FGF1: variants seen among roughly 807,000 people sequenced by gnomAD.
FGF1 encodes beta-endothelial cell growth factor.
Under a neutral mutation model 13.4 loss-of-function variants are expected in FGF1, and 9 were observed. That is an observed-to-expected ratio of 0.67 (90% CI 0.40 to 1.17). The LOEUF is 1.17. Ranked by LOEUF, FGF1 falls within the 50% of genes most tolerant of loss-of-function variation. The pLI is 0.01. For synonymous variants in FGF1, 93 were observed against 79.0 expected, an observed-to-expected ratio of 1.18 and a Z score of -0.94; for missense variants, 156 against 192.7, an observed-to-expected ratio of 0.81 and a Z score of 1.13.
At chr5:142,598,087 C>A (rs1755676033) in intron 3 of FGF1, among the ~76,000 whole-genome samples, 1 of 152,140 alleles carries the variant, frequency 6.6e-6, no homozygotes, top group Non-Finnish European at 1.5e-5. Flanking sequence ...GAACTTGGTG[C>A]AGACATTCGT....
chr5:142,601,680 T>G (rs1337317084), intron 2 of FGF1, among the ~76,000 whole-genome samples: 1 of 152,044 alleles, frequency 6.6e-6, no homozygotes, highest in Non-Finnish European at 1.5e-5. Context: ...CATCCTACAA[T>G]GCACAGGGCA....
chr5:142,681,867 T>TA (rs1418060243), intron 1 of FGF1, among the ~76,000 whole-genome samples: 3 of 152,142 alleles, frequency 2.0e-5, no homozygotes, highest in African/African-American at 7.2e-5. Context: ...GTGATACACT[T>TA]ACAGCCAAGC....
chr5:142,661,966 C>G (rs539102332), intron 1 of FGF1, among the ~76,000 whole-genome samples: 1 of 152,100 alleles, frequency 6.6e-6, no homozygotes, highest in Non-Finnish European at 1.5e-5. Context: ...TTACACTGCA[C>G]TCCAGCCTGG....
chr5:142,601,216 C>G (rs181302912), intron 2 of FGF1: 132 of 458,080 alleles, frequency 2.9e-4, no homozygotes, highest in African/African-American at 2.3e-3. Context: ...ATCTGGCCAG[C>G]CTGCATGTGT....
chr5:142,651,530 C>G (rs868793243), intron 1 of FGF1, among the ~76,000 whole-genome samples: 2 of 152,268 alleles, frequency 1.3e-5, no homozygotes, highest in South Asian at 4.1e-4. Flanking sequence ...TTTTAGGGTT[C>G]ACTCTTGTGT....
At chr5:142,631,942 C>G (rs1309265229) in intron 1 of FGF1, among the ~76,000 whole-genome samples, 1 of 152,056 alleles carries the variant, frequency 6.6e-6, no homozygotes, top group African/African-American at 2.4e-5. Context: ...TGCCACCATG[C>G]CCAGCTAATT....
chr5:142,645,868 T>G (rs1765951278), intron 1 of FGF1, among the ~76,000 whole-genome samples: 1 of 152,200 alleles, frequency 6.6e-6, no homozygotes, highest in African/African-American at 2.4e-5. Flanking sequence ...TCACTGCTCA[T>G]TTCTATCTTG....
chr5:142,646,728 G>A lies in FGF1; in HGVS notation c.-34-32567C>T, dbSNP rs541005950. Among the ~76,000 whole-genome samples the A allele has an allele frequency of 5.3e-5, 8 of 151,716 alleles. No homozygotes were observed. The East Asian group carries it at 9.8e-4, about 18-fold the overall frequency. The stretch of plus-strand genomic sequence containing the variant: ...TGGCTGGTCTTGAACTCCTGACCTC[G>A]TGATCTACCTGCCTTGGCCTCCCAA... On this transcript the variant is annotated intron_variant, in intron 1 of 3. Coordinates refer to ENST00000337706, the MANE Select transcript of FGF1 (RefSeq NM_000800.5).
intron 3 of FGF1, among the ~76,000 whole-genome samples, chr5:142,598,238 C>T (rs573545469): frequency 1.3e-5 from 2 of 152,210 alleles, no homozygotes; most frequent in African/African-American, 4.8e-5. Flanking sequence ...GTGAGGATGG[C>T]CACATTCCCC....
At chr5:142,605,405 G>A (rs1252546445) in intron 2 of FGF1, among the ~76,000 whole-genome samples, 1 of 151,914 alleles carries the variant, frequency 6.6e-6, no homozygotes, top group African/African-American at 2.4e-5. Context: ...ACAGGCATGA[G>A]CCACCGTGCC....
chr5:142,597,956 C>G (rs187652730), intron 3 of FGF1, among the ~76,000 whole-genome samples: 17 of 152,268 alleles, frequency 1.1e-4, no homozygotes, highest in African/African-American at 4.1e-4. Context: ...CAGGAAGTAT[C>G]CTGCTTCTTA....
chr5:142,684,563 C>T (rs1774331818), intron 1 of FGF1, among the ~76,000 whole-genome samples: 1 of 152,194 alleles, frequency 6.6e-6, no homozygotes, highest in African/African-American at 2.4e-5. Context: ...GCCTTCAGAT[C>T]AACATCTCAA....
At chr5:142,680,459 G>C (rs1773498441) in intron 1 of FGF1, among the ~76,000 whole-genome samples, 1 of 152,192 alleles carries the variant, frequency 6.6e-6, no homozygotes, top group Non-Finnish European at 1.5e-5. Context: ...TGGCCTAGCA[G>C]TTAGTTACAC....
intron 1 of FGF1, among the ~76,000 whole-genome samples, chr5:142,654,115 T>G (rs1767742879): frequency 6.6e-6 from 1 of 152,146 alleles, no homozygotes; most frequent in African/African-American, 2.4e-5. Context: ...CCACCTTGTA[T>G]GTAATTCTAA....
intron 1 of FGF1, among the ~76,000 whole-genome samples, chr5:142,619,319 C>T (rs576870196): frequency 6.6e-6 from 1 of 152,252 alleles, no homozygotes; most frequent in South Asian, 2.1e-4. Flanking sequence ...TATAAAGCCA[C>T]TGAAGGTAGA....
rs866471845 is a variant in FGF1, at chr5:142,609,463, T to G, written c.169+4496A>C. The stretch of plus-strand genomic sequence containing the variant: ...GGTCCCCCTTCACCTGAGAGGAAAC[T>G]CCCCAGAAAGATCAGAGTCAATCAC... On this transcript the variant is annotated intron_variant, in intron 2 of 3. Coordinates refer to ENST00000337706, the MANE Select transcript of FGF1 (RefSeq NM_000800.5). Among the ~76,000 whole-genome samples the G allele has an allele frequency of 2.0e-5, 3 of 152,180 alleles. No individual in the cohort carries two copies. In the Middle Eastern group the frequency reaches 0.01, roughly 521 times the overall value.
chr5:142,618,304 A>G (rs1254582703), intron 1 of FGF1, among the ~76,000 whole-genome samples: 1 of 152,096 alleles, frequency 6.6e-6, no homozygotes, highest in African/African-American at 2.4e-5. Context: ...GGGAACCTGA[A>G]CTCTGACACA....
chr5:142,656,225 T>C (rs1319994413), intron 1 of FGF1, among the ~76,000 whole-genome samples: 14 of 152,070 alleles, frequency 9.2e-5, no homozygotes. Context: ...CCATAGAAAA[T>C]GGATGGTTAA....
intron 1 of FGF1, among the ~76,000 whole-genome samples, chr5:142,652,267 T>C (rs1428054801): frequency 2.0e-5 from 3 of 152,228 alleles, no homozygotes; most frequent in South Asian, 4.1e-4. Flanking sequence ...GTGCTTCTTC[T>C]TGTTAACGTT....
Sources: gnomAD v4.1 joint callset for allele counts (sites outside exome capture counted in the v4.1 genomes callset) on GRCh38, gnomAD v4.1.1 for gene constraint, MANE v1.5 for transcripts, NCBI Gene and HGNC (gene_info 2026-07-23, HGNC 2026-07-21) for gene names.